Variants in AGAP5 observed in about 807,000 individuals in gnomAD.
The protein encoded by AGAP5 is arf-GAP with GTPase, ANK repeat and PH domain-containing protein 5.
In AGAP5, 8 loss-of-function variants were observed where a neutral mutation model predicts 27.7. The observed-to-expected ratio is 0.29, with a 90% CI of 0.17 to 0.52. The LOEUF is 0.52. Among genes scored for constraint, AGAP5 ranks in the 20% least tolerant of loss-of-function variants. The pLI is 0.97. For synonymous variants in AGAP5, 111 were observed against 338.0 expected (o/e 0.33, Z 7.37); for missense variants, 285 against 880.8 (o/e 0.32, Z 8.56).
chr10:73,676,332 T>G (rs2081979522), intron 7 of AGAP5, among the ~76,000 whole-genome samples: 3 of 137,656 alleles, frequency 2.2e-5, no homozygotes, highest in Admixed American at 7.3e-5. Context: ...AAAAAAAAAT[T>G]AGCTGGGCAT....
Position 73,675,439 on chromosome 10 carries a change from G to A in AGAP5, c.1221C>T (p.Ser407=). The stretch of plus-strand genomic sequence containing the variant: ...CAGACACAATCATAAAGTTGTTGGT[G>A]CTTTTCTTCTTTAGGTGTTTCTTTT... ...ANKKKHLKKK[S]TNNFMIVSAT... is the part of the protein sequence containing the mutation. Residue 407 remains serine, a synonymous_variant, in exon 8 of 8, where the codon AGC becomes AGT. Coordinates refer to ENST00000374094, the MANE Select transcript of AGAP5 (RefSeq NM_001144000.4). The A allele has an allele frequency of 1.2e-6, 2 of 1,614,004 alleles. No individual in the cohort carries two copies. The highest frequency in any genetic ancestry group is 2.2e-5 in the South Asian group (2 of 91,070).
chr10:73,677,939 G>A (rs1209628653), intron 6 of AGAP5, among the ~76,000 whole-genome samples: 1 of 152,134 alleles, frequency 6.6e-6, no homozygotes, highest in East Asian at 1.9e-4. Flanking sequence ...CTTTGATGAA[G>A]CAATAAAAAT....
At chr10:73,691,665 T>C (rs1473741810) in intron 4 of AGAP5, among the ~76,000 whole-genome samples, 2 of 152,098 alleles carry the variant, frequency 1.3e-5, no homozygotes, top group African/African-American at 4.8e-5. Flanking sequence ...GCTACTTTTG[T>C]ATTTTTAGTA....
chr10:73,675,146 A>G lies in AGAP5; in HGVS notation c.1514T>C (p.Ile505Thr). ...AAGGCGGGTGCCAAGACTGCGGTGG[A>G]TTCCTGAGCATTCAATACACATGAG... is the stretch of plus-strand genomic sequence containing the variant. Reference protein sequence around the residue: ...GVLMCIECSGIHRSLGTRLSR... With the variant: ...GVLMCIECSGTHRSLGTRLSR... Residue 505 changes from isoleucine to threonine, a missense_variant, in exon 8 of 8, where the codon ATC becomes ACC. Ile to Thr is a moderately conservative substitution (Grantham distance 89). Coordinates refer to ENST00000374094, the MANE Select transcript of AGAP5 (RefSeq NM_001144000.4). 6.2e-7 allele frequency: 1 copy of G among 1,609,562 alleles called. No individual in the cohort carries two copies. Among genetic ancestry groups the G allele is most frequent in the Non-Finnish European group, 8.5e-7 (1 of 1,178,480 alleles).
Position 73,674,441 on chromosome 10 carries a change from C to A in AGAP5, c.*158G>T. On this transcript the variant is annotated 3_prime_UTR_variant, in exon 8 of 8. Transcript: ENST00000374094. Reference sequence around the variant, plus strand: ...AAGGACATAAAATATGTCTTATGGTCAGAAAAATCAACATTTTGTGTATTT... The same window carrying A: ...AAGGACATAAAATATGTCTTATGGTAAGAAAAATCAACATTTTGTGTATTT... 1 of 1,496,580 alleles carries A rather than the reference C, an allele frequency of 6.7e-7. No individual in the cohort carries two copies. Among genetic ancestry groups the A allele is most frequent in the Non-Finnish European group, 9.0e-7 (1 of 1,111,886 alleles). 92.7% of individuals were successfully genotyped at this position (1,496,580 alleles called of 1,614,324 possible).
Position 73,692,094 on chromosome 10 carries a change from A to T in AGAP5, c.362-17T>A. 6.5e-7 allele frequency: 1 copy of T among 1,539,098 alleles called. No homozygotes were observed. The highest frequency in any genetic ancestry group is 2.3e-5 in the East Asian group (1 of 43,718). On this transcript the variant is annotated splice_polypyrimidine_tract_variant and intron_variant, in intron 3 of 7. Transcript: ENST00000374094. Reference sequence around the variant, plus strand: ...TTTCTACAACTAAGAATAAAAAAAAAAACTGGTCACTTCTGATACAAATAC... The same window carrying T: ...TTTCTACAACTAAGAATAAAAAAAATAACTGGTCACTTCTGATACAAATAC...
intron 4 of AGAP5, among the ~76,000 whole-genome samples, chr10:73,688,827 T>C (rs953312740): frequency 2.6e-5 from 4 of 151,930 alleles, no homozygotes; most frequent in African/African-American, 9.7e-5. Flanking sequence ...GAGAGAGAGA[T>C]TCTAAAAAGC....
intron 4 of AGAP5, among the ~76,000 whole-genome samples, chr10:73,688,068 C>T (rs1405217241): frequency 2.6e-5 from 4 of 151,966 alleles, no homozygotes; most frequent in Admixed American, 2.6e-4. Context: ...CTCAAGTCCA[C>T]CTGTCCTTCC....
chr10:73,690,605 T>TAAAA (rs1565008251), intron 4 of AGAP5, among the ~76,000 whole-genome samples: 9 of 80,460 alleles, frequency 1.1e-4, no homozygotes, highest in South Asian at 3.0e-4. Context: ...GAATGATCAA[T>TAAAA]TAAAAAAAAA....
chr10:73,679,195 C>T (rs1311216709), intron 6 of AGAP5, among the ~76,000 whole-genome samples: 42 of 151,558 alleles, frequency 2.8e-4, no homozygotes, highest in African/African-American at 9.2e-4. Flanking sequence ...CAGAGTCTTG[C>T]TCTGTCACCC....
chr10:73,677,006 T>C (rs1005136557), intron 6 of AGAP5, among the ~76,000 whole-genome samples: 1 of 152,166 alleles, frequency 6.6e-6, no homozygotes, highest in Non-Finnish European at 1.5e-5. Flanking sequence ...CCCATGAATA[T>C]TGACTCTCCC....
chr10:73,693,842 C>T (rs550855590), intron 3 of AGAP5, among the ~76,000 whole-genome samples: 3 of 152,096 alleles, frequency 2.0e-5, no homozygotes, highest in Admixed American at 6.5e-5. Context: ...GGTGTTAAAG[C>T]CATGTTTGTA....
intron 4 of AGAP5, among the ~76,000 whole-genome samples, chr10:73,689,747 C>T (rs2132454973): frequency 6.6e-6 from 1 of 151,408 alleles, no homozygotes; most frequent in Middle Eastern, 3.4e-3. Flanking sequence ...AGCCCCTCCG[C>T]CTGGCAGCGC....
intron 4 of AGAP5, among the ~76,000 whole-genome samples, chr10:73,689,264 C>T (rs2082092408): frequency 6.6e-6 from 1 of 152,258 alleles, no homozygotes; most frequent in East Asian, 1.9e-4. Context: ...GCCGGGATTG[C>T]AGACGGAGTC....
At chr10:73,685,558 T>A (rs2132448977) in intron 4 of AGAP5, among the ~76,000 whole-genome samples, 1 of 151,458 alleles carries the variant, frequency 6.6e-6, no homozygotes, top group East Asian at 1.9e-4. Flanking sequence ...ATTATCTTTT[T>A]TTTTTTTTTT....
chr10:73,677,703 A>G (rs2081991799), intron 6 of AGAP5, among the ~76,000 whole-genome samples: 1 of 152,090 alleles, frequency 6.6e-6, no homozygotes, highest in Non-Finnish European at 1.5e-5. Flanking sequence ...TCTGAATCAT[A>G]CTAATTAAAC....
chr10:73,685,798 G>T (rs567956587), intron 4 of AGAP5, among the ~76,000 whole-genome samples: 2 of 152,014 alleles, frequency 1.3e-5, no homozygotes, highest in African/African-American at 2.4e-5. Flanking sequence ...TGATCCGTCC[G>T]CCTTAGCCTC....
chr10:73,689,673 G>C (rs1356189373), intron 4 of AGAP5, among the ~76,000 whole-genome samples: 2 of 150,850 alleles, frequency 1.3e-5, no homozygotes, highest in African/African-American at 4.9e-5. Context: ...GTCTCTGCCC[G>C]GCCGCCCCGT....
At chr10:73,689,560 C>T (rs1216966578) in intron 4 of AGAP5, among the ~76,000 whole-genome samples, 3 of 151,466 alleles carry the variant, frequency 2.0e-5, no homozygotes, top group South Asian at 2.1e-4. Context: ...TCTTCCCGGC[C>T]GCCATCCCAT....
Sources: gnomAD v4.1 joint callset for allele counts (sites outside exome capture counted in the v4.1 genomes callset) on GRCh38, gnomAD v4.1.1 for gene constraint, MANE v1.5 for transcripts, NCBI Gene and HGNC (gene_info 2026-07-23, HGNC 2026-07-21) for gene names.